BCKDHB: variants seen among roughly 807,000 people sequenced by gnomAD.
BCKDHB encodes the protein branched chain keto acid dehydrogenase E1 subunit beta, also known as 2-oxoisovalerate dehydrogenase subunit beta, mitochondrial.
A neutral mutation model predicts 48.5 loss-of-function variants in BCKDHB; 41 were observed. The observed-to-expected ratio is 0.85, with a 90% CI of 0.66 to 1.10. The LOEUF (loss-of-function observed/expected upper bound fraction) is 1.10, where lower values mean the gene tolerates loss of function less well. BCKDHB is among the 50% of genes least tolerant of loss of function. BCKDHB has a pLI of 0.00. For synonymous variants in BCKDHB, 201 were observed against 174.8 expected, an observed-to-expected ratio of 1.15 and a Z score of -1.18; for missense variants, 496 against 494.2, an observed-to-expected ratio of 1.00 and a Z score of -0.03.
chr6:80,169,070 G>A, intron 5 of BCKDHB, 40 bp downstream of exon 5: 1 of 1,600,242 alleles, frequency 6.2e-7, no homozygotes, highest in Non-Finnish European at 8.6e-7. Flanking sequence ...TCTATTTGAT[G>A]TTTCCATTTT....
intron 8 of BCKDHB, among the ~76,000 whole-genome samples, chr6:80,252,901 TTCTTCCTTC>T (rs1188714106): frequency 6.6e-6 from 1 of 152,136 alleles, no homozygotes; most frequent in Non-Finnish European, 1.5e-5. Flanking sequence ...GATTTCTTTC[TTCTTCCTTC>T]TCTTTCTTCA....
rs976085900 is a variant in BCKDHB at position 80,106,749 on chromosome 6, C to G, written c.56C>G (p.Ala19Gly). ...CTACTCAGGCTCAGGGCGGCAGGGG[C>G]TGAGGGGCACTGGCGTCGGCTTCCT... ...GWLLRLRAAG[A>G]EGHWRRLPGA... Residue 19 changes from alanine (A) to glycine (G), a missense_variant, in exon 1 of 10, where the codon GCT becomes GGT. Transcript: ENST00000320393. 2 of 1,570,830 alleles carry G rather than the reference C, an allele frequency of 1.3e-6. No individual in the cohort carries two copies. The highest frequency in any genetic ancestry group is 1.7e-6 in the Non-Finnish European group (2 of 1,159,294).
At chr6:80,358,775 A>T in the BCKDHB span, among the ~76,000 whole-genome samples, 17 of 152,330 alleles carry the variant, frequency 1.1e-4, no homozygotes, top group African/African-American at 4.1e-4. Flanking sequence ...CTTTGTAGCG[A>T]TGGGGACTAA....
At chr6:80,315,552 C>A (rs544403280) in intron 9 of BCKDHB, among the ~76,000 whole-genome samples, 1 of 151,746 alleles carries the variant, frequency 6.6e-6, no homozygotes, top group Admixed American at 6.6e-5. Context: ...GTGAGTGCCA[C>A]GCACTACAGT....
At chr6:80,191,455 G>A (rs1248348936) in intron 6 of BCKDHB, among the ~76,000 whole-genome samples, 1 of 151,936 alleles carries the variant, frequency 6.6e-6, no homozygotes, top group Non-Finnish European at 1.5e-5. Flanking sequence ...CCAAAAGCAT[G>A]ATGTGAAAAA....
chr6:80,247,511 A>T (rs997882398), intron 8 of BCKDHB, among the ~76,000 whole-genome samples: 1 of 152,222 alleles, frequency 6.6e-6, no homozygotes, highest in Non-Finnish European at 1.5e-5. Context: ...CTAACATTAG[A>T]TGTAGAAGGG....
chr6:80,141,138 A>G (rs1771185972), intron 3 of BCKDHB, among the ~76,000 whole-genome samples: 2 of 152,064 alleles, frequency 1.3e-5, no homozygotes, highest in Middle Eastern at 3.4e-3. Context: ...TTTCTGTGGG[A>G]TCGGTGGTGA....
chr6:80,273,705 T>C (rs780961956), intron 9 of BCKDHB, among the ~76,000 whole-genome samples: 1 of 152,024 alleles, frequency 6.6e-6, no homozygotes, highest in Non-Finnish European at 1.5e-5. Context: ...TTGAAAATTA[T>C]TTATTTTAGT....
chr6:80,428,518 T>A, the BCKDHB span, among the ~76,000 whole-genome samples: 2 of 152,192 alleles, frequency 1.3e-5, no homozygotes. Context: ...TTTCTCCACA[T>A]CCTCTCCAGC....
chr6:80,458,241 TG>T, the BCKDHB span, among the ~76,000 whole-genome samples: 2 of 152,170 alleles, frequency 1.3e-5, no homozygotes, highest in Non-Finnish European at 2.9e-5. Context: ...CACTTATTCT[TG>T]GAGAGAAGAA....
intron 8 of BCKDHB, among the ~76,000 whole-genome samples, chr6:80,219,213 T>C (rs1323776595): frequency 3.3e-5 from 5 of 152,070 alleles, no homozygotes; most frequent in Non-Finnish European, 7.4e-5. Flanking sequence ...TTTTTTTTTT[T>C]TTCTTTTTTT....
At chr6:80,213,655 A>G (rs543279798) in intron 8 of BCKDHB, among the ~76,000 whole-genome samples, 26 of 149,056 alleles carry the variant, frequency 1.7e-4, no homozygotes, top group African/African-American at 6.6e-4. Flanking sequence ...GTTCTTGGGA[A>G]GTGTTTTTTT....
the BCKDHB span, among the ~76,000 whole-genome samples, chr6:80,360,455 A>G: frequency 6.6e-6 from 1 of 152,318 alleles, no homozygotes; most frequent in Non-Finnish European, 1.5e-5. Context: ...TACTCCTGTT[A>G]TAAGTATAAT....
At chr6:80,425,030 A>G in the BCKDHB span, among the ~76,000 whole-genome samples, 19 of 152,226 alleles carry the variant, frequency 1.2e-4, no homozygotes, top group Non-Finnish European at 2.6e-4. Flanking sequence ...GGCCAAAATT[A>G]TAGATGACTG....
At chr6:80,350,534 GAGA>G (rs1770363896), downstream of BCKDHB, among the ~76,000 whole-genome samples, 1 of 152,080 alleles carries the variant, frequency 6.6e-6, no homozygotes. Flanking sequence ...TTCTTTGAGG[GAGA>G]AGAAGTGATT....
At chr6:80,304,739 C>T (rs1435241077) in intron 9 of BCKDHB, among the ~76,000 whole-genome samples, 1 of 152,028 alleles carries the variant, frequency 6.6e-6, no homozygotes, top group East Asian at 1.9e-4. Context: ...TGGGTTTATT[C>T]CAGGAATGGC....
intron 3 of BCKDHB, among the ~76,000 whole-genome samples, chr6:80,146,269 AG>A (rs1158078902): frequency 6.6e-6 from 1 of 152,204 alleles, no homozygotes; most frequent in African/African-American, 2.4e-5. Context: ...CATAGGCCAA[AG>A]CAAAATTACA....
intron 1 of BCKDHB, among the ~76,000 whole-genome samples, chr6:80,113,197 A>C (rs1257919982): frequency 6.6e-6 from 1 of 152,240 alleles, no homozygotes; most frequent in Non-Finnish European, 1.5e-5. Flanking sequence ...GCCATGGCCA[A>C]CTGCAACACA....
Position 80,273,199 on chromosome 6 carries a change from C to A in BCKDHB, c.1016C>A (p.Ser339Ter). Residue 339 changes from serine (S) to a stop codon, truncating the protein, a stop_gained, in exon 9 of 10, where the codon TCG (serine) becomes TAG (stop). Transcript: ENST00000320393. LOFTEE classifies it high-confidence loss of function. ...GCTCCCTTGACAGGCGGCTTTGCAT[C>A]GGAAATCAGCTCTACAGTTCAGGTA... ...HEAPLTGGFA[S>*]EISSTVQEEC... 6.2e-7 allele frequency: 1 copy of A among 1,613,430 alleles called. No homozygotes were observed. Among genetic ancestry groups the A allele is most frequent in the Non-Finnish European group, 8.5e-7 (1 of 1,179,602 alleles).
Sources: allele counts gnomAD v4.1 joint callset (sites outside exome capture counted in the v4.1 genomes callset), GRCh38; gene constraint gnomAD v4.1.1; transcripts MANE v1.5; gene names NCBI Gene and HGNC (gene_info 2026-07-23, HGNC 2026-07-21).